Variants in LPIN1 observed in about 807,000 individuals in gnomAD.
The protein encoded by LPIN1 is phosphatidate phosphatase LPIN1.
In LPIN1, 71 loss-of-function variants were observed where a neutral mutation model predicts 107.5. That is an observed-to-expected ratio of 0.66 (90% confidence interval 0.55 to 0.80). The LOEUF (loss-of-function observed/expected upper bound fraction) is 0.80, where lower values mean the gene tolerates loss of function less well. Among genes scored for constraint, LPIN1 ranks in the 30% least tolerant of loss-of-function variants. The pLI is 0.00. For synonymous variants in LPIN1, 445 were observed against 452.6 expected (o/e 0.98, Z 0.21); for missense variants, 1,043 against 1,160.6 (o/e 0.90, Z 1.47).
intron 1 of LPIN1, 58 bp downstream of exon 1, chr2:11,746,729 A>AGGCGG (rs1666994815): frequency 5.5e-6 from 5 of 908,924 alleles, no homozygotes; most frequent in South Asian, 5.1e-5. Flanking sequence ...GCCTCGGGTT[A>AGGCGG]GGCGGGGCGG....
At chr2:11,694,872 T>C (rs759822590) in intron 1 of LPIN1, among the ~76,000 whole-genome samples, 53 of 152,262 alleles carry the variant, frequency 3.5e-4, no homozygotes, top group Non-Finnish European at 6.6e-4. Flanking sequence ...CGTTAAGAAA[T>C]ATACAAGCAG....
rs1174504981 is a variant in LPIN1 at position 11,707,117 on chromosome 2, T to G, written c.82-6639T>G. On this transcript the variant is annotated intron_variant, in intron 1 of 21. Transcript: ENST00000449576. The surrounding 1 kb of genome is among the most constrained non-coding windows in gnomAD (Gnocchi z 4.2). Reference sequence around the variant, plus strand: ...GGCATTATCACAGGTGCTGGGAGTATGGCAGGAGAGAAAGGAAGGTCCTAT... The same window carrying G: ...GGCATTATCACAGGTGCTGGGAGTAGGGCAGGAGAGAAAGGAAGGTCCTAT... 6.6e-6 allele frequency among the ~76,000 whole-genome samples: 1 copy of G among 152,142 alleles called. No individual in the cohort carries two copies. Among genetic ancestry groups the G allele is most frequent in the East Asian group, 1.9e-4 (1 of 5,196 alleles).
chr2:11,811,547 C>T (rs1425412587), intron 17 of LPIN1, among the ~76,000 whole-genome samples: 1 of 152,200 alleles, frequency 6.6e-6, no homozygotes, highest in Non-Finnish European at 1.5e-5. Flanking sequence ...ATATATTTGA[C>T]AATCCAGTTC....
chr2:11,757,871 G>A (rs1443977885), intron 1 of LPIN1, among the ~76,000 whole-genome samples: 1 of 152,074 alleles, frequency 6.6e-6, no homozygotes, highest in Non-Finnish European at 1.5e-5. Flanking sequence ...ATCTTTAAGT[G>A]TGTGGTTCAG....
Position 11,679,566 on chromosome 2 carries a change from A to T in LPIN1, c.81+1838A>T, listed in dbSNP as rs554041719. On this transcript the variant is annotated intron_variant, in intron 1 of 21. Transcript: ENST00000449576. ...CTGCAGAGAGGATGTCAAACCCGCC[A>T]CGTGTCCCCTTGTATTCCATCGCTC... Among the ~76,000 whole-genome samples, 680 of 152,296 alleles carry T rather than the reference A, an allele frequency of 4.5e-3. 3 individuals carry two copies. The highest frequency in any genetic ancestry group is 0.016 in the African/African-American group (656 of 41,554).
intron 18 of LPIN1, chr2:11,818,931 G>A (rs1681053565): frequency 6.6e-6 from 1 of 151,990 alleles, no homozygotes; most frequent in South Asian, 2.1e-4. Context: ...AGATGATCAT[G>A]TTTTTCTCTT....
chr2:11,722,572 T>C (rs1664224793), upstream of LPIN1: 1 of 152,192 alleles, frequency 6.6e-6, no homozygotes, highest in Non-Finnish European at 1.5e-5. Flanking sequence ...TGTGTATTTG[T>C]GCAGCCCAAG....
At chr2:11,723,066 GA>G (rs201346137), upstream of LPIN1, among the ~76,000 whole-genome samples, 1 of 151,798 alleles carries the variant, frequency 6.6e-6, no homozygotes, top group Non-Finnish European at 1.5e-5. Flanking sequence ...AGAGACAAAA[GA>G]AAAAAAATCT....
rs972001288 is a variant in LPIN1, at chr2:11,705,338, G to A, written c.82-8418G>A. Among the ~76,000 whole-genome samples the A allele has an allele frequency of 4.6e-5, 7 of 152,118 alleles. No homozygotes were observed. The East Asian group carries it at 5.8e-4, about 13-fold the overall frequency. On this transcript the variant is annotated intron_variant, in intron 1 of 21. Transcript: ENST00000449576. Reference sequence around the variant, plus strand: ...ATTCAACAAGTGCTTATTGACTACCGTGTGCCAGCCACTGCTGTGAACACA... The same window carrying A: ...ATTCAACAAGTGCTTATTGACTACCATGTGCCAGCCACTGCTGTGAACACA...
At chr2:11,740,528 A>G (rs1357880993) in intron 1 of LPIN1, among the ~76,000 whole-genome samples, 4 of 151,958 alleles carry the variant, frequency 2.6e-5, no homozygotes, top group South Asian at 4.1e-4. Flanking sequence ...AAAAAAAAAT[A>G]CAAAAATTAG....
intron 5 of LPIN1, among the ~76,000 whole-genome samples, chr2:11,775,077 T>C (rs771193373): frequency 1.1e-4 from 16 of 152,192 alleles, no homozygotes; most frequent in Non-Finnish European, 2.4e-4. Flanking sequence ...ATTAATGAGA[T>C]ACATCACATT....
intron 10 of LPIN1, among the ~76,000 whole-genome samples, chr2:11,785,356 GGGGTGTCAGTCTAATTAAATTAGA>G (rs1161230296): frequency 6.6e-6 from 1 of 152,218 alleles, no homozygotes; most frequent in Non-Finnish European, 1.5e-5. Flanking sequence ...CAGGCTAGAG[GGGGTGTCAGTCTAATTAAATTAGA>G]GGGTGTCGGC....
At chr2:11,764,444 G>A (rs978535565) in intron 1 of LPIN1, among the ~76,000 whole-genome samples, 5 of 152,184 alleles carry the variant, frequency 3.3e-5, no homozygotes, top group African/African-American at 4.8e-5. Context: ...ACTATGCCCC[G>A]CTAGTTCCTT....
At chr2:11,806,491 G>C (rs1012868428) in intron 17 of LPIN1, among the ~76,000 whole-genome samples, 1 of 152,096 alleles carries the variant, frequency 6.6e-6, no homozygotes, top group Non-Finnish European at 1.5e-5. Flanking sequence ...AGCTATTTGG[G>C]AGGCTGAGGC....
intron 20 of LPIN1, among the ~76,000 whole-genome samples, chr2:11,822,306 C>G (rs888191137): frequency 2.7e-5 from 4 of 149,568 alleles, no homozygotes; most frequent in African/African-American, 9.9e-5. Flanking sequence ...AAAAAATTAG[C>G]CAGGCATGGC....
At chr2:11,713,186 CAG>C (rs1440192635) in intron 1 of LPIN1, among the ~76,000 whole-genome samples, 1 of 152,196 alleles carries the variant, frequency 6.6e-6, no homozygotes, top group Non-Finnish European at 1.5e-5. Context: ...GTGAAAGAGT[CAG>C]AGAGACAGGG....
chr2:11,779,393 G>T lies in LPIN1; in HGVS notation c.831-126G>T, dbSNP rs906412981. 5.5e-5 allele frequency: 57 copies of T among 1,032,218 alleles called. 1 individual carries two copies. Among genetic ancestry groups the T allele is most frequent in the Non-Finnish European group, 7.6e-5 (51 of 673,816 alleles). The allele number at this position is 1,032,218 out of a possible 1,614,324, so 63.9% of individuals were successfully genotyped here. On this transcript the variant is annotated intron_variant, in intron 6 of 20. Coordinates refer to ENST00000674199, the MANE Select transcript of LPIN1 (RefSeq NM_001349206.2). ...GGCCGGAGGAGGGATTTGTCATGAG[G>T]CTCCGCTCAGAGCGAACGACAGCTG...
chr2:11,719,791 C>CTTTTTTTTTTTTTTTTTTTTTTTTTTTTT (rs67142448), upstream of LPIN1, among the ~76,000 whole-genome samples: 1 of 132,808 alleles, frequency 7.5e-6, no homozygotes, highest in Non-Finnish European at 1.6e-5. Flanking sequence ...CCAATTGCTT[C>CTTTTTTTTTTTTTTTTTTTTTTTTTTTTT]TTTTTTTTTT....
chr2:11,802,882 G>A (rs761244689), intron 14 of LPIN1, 25 bp from the exon 15 acceptor site: 3 of 1,611,680 alleles, frequency 1.9e-6, no homozygotes, highest in Non-Finnish European at 2.5e-6. Flanking sequence ...TTTCTAATTG[G>A]TGATGACATC....
Sources: gnomAD v4.1 joint callset for allele counts (sites outside exome capture counted in the v4.1 genomes callset) on GRCh38, gnomAD v4.1.1 for gene constraint, Gnocchi (gnomAD v3.1) non-coding constraint, MANE v1.5 for transcripts, NCBI Gene and HGNC (gene_info 2026-07-23, HGNC 2026-07-21) for gene names.